Variants in FSCN1 observed in about 807,000 individuals in gnomAD.
FSCN1 encodes fascin.
Under a neutral mutation model 39.7 loss-of-function variants are expected in FSCN1, and 10 were observed. The ratio of observed to expected loss-of-function variants is 0.25; its 90% CI spans 0.16 to 0.43. FSCN1 has a LOEUF of 0.43. Among genes scored for constraint, FSCN1 ranks in the 20% least tolerant of loss-of-function variants. The pLI, the probability that FSCN1 is intolerant of heterozygous loss-of-function variation, is 1.00. For synonymous variants in FSCN1, 322 were observed against 320.0 expected, an observed-to-expected ratio of 1.01 and a Z score of -0.07; for missense variants, 525 against 723.8, an observed-to-expected ratio of 0.73 and a Z score of 3.15.
At chr7:5,593,987 C>A (rs1785681045) in intron 1 of FSCN1, 4 of 553,698 alleles carry the variant, frequency 7.2e-6, no homozygotes, top group Non-Finnish European at 1.3e-5. Context: ...CCACCCCGGG[C>A]TGGGATCATG....
At chr7:5,597,440 T>G (rs1020980619) in intron 1 of FSCN1, among the ~76,000 whole-genome samples, 1 of 151,342 alleles carries the variant, frequency 6.6e-6, no homozygotes, top group Admixed American at 6.6e-5. Context: ...CCAAGGTGGG[T>G]GGATCACCTG....
chr7:5,605,454 G>T lies in FSCN1; in HGVS notation c.1462G>T (p.Ala488Ser). The change falls in exon 5 of 5, where the codon GCC (alanine) becomes TCC (serine). Residue 488 changes from alanine (A) to serine (S), a missense_variant. Transcript: ENST00000382361. This position sits in a 1 kb window ranked among gnomAD's most constrained non-coding sequence, Gnocchi z 6.9. ...GGCCTCGGCGGAAACCGTGGACCCC[G>T]CCTCGCTCTGGGAGTACTAGGGCCG... ...LKASAETVDP[A>S]SLWEY is the part of the protein sequence containing the mutation. The T allele has an allele frequency of 6.3e-7, 1 of 1,587,404 alleles. No individual in the cohort carries two copies. Among genetic ancestry groups the T allele is most frequent in the Non-Finnish European group, 8.6e-7 (1 of 1,167,038 alleles).
chr7:5,598,145 C>G (rs758739768), intron 1 of FSCN1, among the ~76,000 whole-genome samples: 2 of 152,086 alleles, frequency 1.3e-5, no homozygotes, highest in Admixed American at 1.3e-4. Context: ...AACATCCTGG[C>G]GGAGCGGAGA....
Position 5,593,253 on chromosome 7 carries a change from A to G in FSCN1, c.317A>G (p.Glu106Gly). ...HDDGRWSLQS[E>G]AHRRYFGGTE... is the part of the protein sequence containing the mutation. ...GACGGTCGCTGGTCGCTGCAGTCCG[A>G]GGCGCACCGGCGCTACTTCGGCGGC... Residue 106 changes from glutamate to glycine, a missense_variant, in exon 1 of 5, where the codon GAG (glutamate) becomes GGG (glycine). Physicochemically the swap from Glu to Gly is moderately conservative, Grantham distance 98. Coordinates refer to ENST00000382361, the MANE Select transcript of FSCN1 (RefSeq NM_003088.4). 1 of 1,609,096 alleles carries G rather than the reference A, an allele frequency of 6.2e-7. No homozygotes were observed.
rs1785908089 is a variant in FSCN1 at position 5,605,028 on chromosome 7, C to T, written c.1280-244C>T. Among the ~76,000 whole-genome samples the T allele has an allele frequency of 6.6e-6, 1 of 152,242 alleles. No homozygotes were observed. The highest frequency in any genetic ancestry group is 2.1e-4 in the South Asian group (1 of 4,830). On this transcript the variant is annotated intron_variant, in intron 4 of 4. Transcript: ENST00000382361. This position sits in a 1 kb window ranked among gnomAD's most constrained non-coding sequence, Gnocchi z 6.9. ...CCTCAAGTGATCCGCCCACCTCAGC[C>T]TCCCAAAGTGCTGGGATTACAGGCG...
chr7:5,596,284 G>C (rs1223108651), intron 1 of FSCN1, among the ~76,000 whole-genome samples: 1 of 152,154 alleles, frequency 6.6e-6, no homozygotes, highest in African/African-American at 2.4e-5. Flanking sequence ...CTGGCAGGGG[G>C]GATGTGAATC....
At chr7:5,594,995 C>T (rs1201983483) in intron 1 of FSCN1, 1 of 152,382 alleles carries the variant, frequency 6.6e-6, no homozygotes. Context: ...TCTTCCACTC[C>T]TGGCGGAGAA....
Position 5,599,565 on chromosome 7 carries a change from A to C in FSCN1, c.833-3692A>C, listed in dbSNP as rs1312666255. ...GGTGGCTTACCCCTGTAATCCCAGC[A>C]CTTTGGGAGGCAAAGGTGGGAGGAC... is the stretch of plus-strand genomic sequence containing the variant. On this transcript the variant is annotated intron_variant, in intron 1 of 4. Coordinates refer to ENST00000382361, the MANE Select transcript of FSCN1 (RefSeq NM_003088.4). This position sits in a 1 kb window ranked among gnomAD's most constrained non-coding sequence, Gnocchi z 5.6. Among the ~76,000 whole-genome samples, 1 of 152,128 alleles carries C rather than the reference A, an allele frequency of 6.6e-6. No homozygotes were observed. Among genetic ancestry groups the C allele is most frequent in the East Asian group, 1.9e-4 (1 of 5,188 alleles).
intron 4 of FSCN1, among the ~76,000 whole-genome samples, chr7:5,604,793 G>C (rs1584305287): frequency 6.6e-6 from 1 of 152,096 alleles, no homozygotes; most frequent in South Asian, 2.1e-4. Context: ...GAGCCACCAT[G>C]CCTGGCTAAT....
chr7:5,592,962 C>T lies in FSCN1; in HGVS notation c.26C>T (p.Ala9Val). Residue 9 changes from alanine to valine, a missense_variant, in exon 1 of 5, where the codon GCG (alanine) becomes GTG (valine). This residue lies in a region of FSCN1 where 246 missense variants were observed against 350.6 expected (regional missense o/e 0.70). Coordinates refer to ENST00000382361, the MANE Select transcript of FSCN1 (RefSeq NM_003088.4). The surrounding 1 kb of genome is among the most constrained non-coding windows in gnomAD (Gnocchi z 5.3). MTANGTAEAVQIQFGLINC... is the reference protein window; with the variant it reads MTANGTAEVVQIQFGLINC... ...ATGACCGCCAACGGCACAGCCGAGG[C>T]GGTGCAGATCCAGTTCGGCCTCATC... The T allele has an allele frequency of 1.3e-6, 2 of 1,570,472 alleles. No individual in the cohort carries two copies. Among genetic ancestry groups the T allele is most frequent in the East Asian group, 2.3e-5 (1 of 42,756 alleles).
chr7:5,595,723 C>T (rs1325278061), intron 1 of FSCN1, among the ~76,000 whole-genome samples: 1 of 152,132 alleles, frequency 6.6e-6, no homozygotes, highest in Non-Finnish European at 1.5e-5. Context: ...CTTGTGAGGT[C>T]TGGGCCACGG....
intron 1 of FSCN1, among the ~76,000 whole-genome samples, chr7:5,595,598 G>A (rs1183827332): frequency 5.9e-5 from 9 of 152,198 alleles, no homozygotes; most frequent in Non-Finnish European, 1.2e-4. Flanking sequence ...TGAATAGAAG[G>A]TGGCAGGTAT....
At chr7:5,593,935 G>C in intron 1 of FSCN1, 167 bp downstream of exon 1, 1 of 580,190 alleles carries the variant, frequency 1.7e-6, no homozygotes, top group Non-Finnish European at 3.0e-6. Context: ...GAGGGGGCGA[G>C]GAGTGGGGCT....
In FSCN1 at chr7:5,603,666, G is replaced by T. The variant is rs777341476; in HGVS notation, c.1111+49G>T. On this transcript the variant is annotated intron_variant, in intron 3 of 4. Coordinates refer to ENST00000382361, the MANE Select transcript of FSCN1 (RefSeq NM_003088.4). This position sits in a 1 kb window ranked among gnomAD's most constrained non-coding sequence, Gnocchi z 8.5. The stretch of plus-strand genomic sequence containing the variant: ...TGGAGCCGTCCTGGAGTCCTGGAGG[G>T]TCTGGCCATGCCGTGGTCACTTGGT... 1.1e-5 allele frequency: 18 copies of T among 1,611,684 alleles called. No homozygotes were observed. The highest frequency in any genetic ancestry group is 1.4e-5 in the Non-Finnish European group (17 of 1,178,836).
intron 1 of FSCN1, among the ~76,000 whole-genome samples, chr7:5,598,295 AAC>A (rs1191157452): frequency 1.3e-5 from 2 of 152,244 alleles, no homozygotes; most frequent in African/African-American, 4.8e-5. Flanking sequence ...GATTGAACGC[AAC>A]AGGCTGATGG....
chr7:5,594,031 C>G, intron 1 of FSCN1: 2 of 497,288 alleles, frequency 4.0e-6, no homozygotes, highest in South Asian at 2.6e-5. Context: ...CGCAACCGTA[C>G]GTGCACCCTC....
chr7:5,595,342 T>G (rs998237550), intron 1 of FSCN1, among the ~76,000 whole-genome samples: 2 of 152,222 alleles, frequency 1.3e-5, no homozygotes, highest in African/African-American at 4.8e-5. Flanking sequence ...GGAAGCAGCA[T>G]GCAGAAGTGG....
intron 1 of FSCN1, among the ~76,000 whole-genome samples, chr7:5,596,037 G>A (rs1584298804): frequency 1.3e-5 from 2 of 152,006 alleles, no homozygotes; most frequent in Admixed American, 1.3e-4. Flanking sequence ...GCGCGGGGGT[G>A]GGGGTACTTG....
Position 5,605,402 on chromosome 7 carries a change from G to C in FSCN1, c.1410G>C (p.Leu470=), listed in dbSNP as rs1336671376. ...KVAIKVGGRY[L]KGDHAGVLKA... ...CCATCAAGGTGGGCGGGCGCTACCT[G>C]AAGGGCGACCACGCAGGCGTCCTGA... Residue 470 remains leucine, a synonymous_variant, in exon 5 of 5, where the codon CTG becomes CTC. Coordinates refer to ENST00000382361, the MANE Select transcript of FSCN1 (RefSeq NM_003088.4). This position sits in a 1 kb window ranked among gnomAD's most constrained non-coding sequence, Gnocchi z 6.9. The C allele has an allele frequency of 1.2e-6, 2 of 1,613,172 alleles. No individual in the cohort carries two copies. Among genetic ancestry groups the C allele is most frequent in the East Asian group, 4.5e-5 (2 of 44,876 alleles).
Sources: gnomAD v4.1 joint callset for allele counts (sites outside exome capture counted in the v4.1 genomes callset) on GRCh38, gnomAD v4.1.1 for gene constraint, gnomAD v4.1.1 regional missense constraint, Gnocchi (gnomAD v3.1) non-coding constraint, MANE v1.5 for transcripts, NCBI Gene and HGNC (gene_info 2026-07-23, HGNC 2026-07-21) for gene names.